Variants in FRMPD4 observed in about 807,000 individuals in gnomAD.
FRMPD4 encodes FERM and PDZ domain containing 4.
FRMPD4 carries 22 observed loss-of-function variants against 94.1 expected under a neutral mutation model. That is an observed-to-expected ratio of 0.23 (90% confidence interval 0.17 to 0.33). FRMPD4 has a LOEUF of 0.33. Ranked by LOEUF, FRMPD4 falls within the 10% of genes least tolerant of loss-of-function variation. FRMPD4 has a pLI of 1.00. For missense variants in FRMPD4, 1,111 were observed against 1,339.9 expected, an observed-to-expected ratio of 0.83 and a Z score of 2.67; for synonymous variants, 631 against 548.6, an observed-to-expected ratio of 1.15 and a Z score of -2.10.
chrX:12,274,026 A>G (rs887197822), intron 1 of FRMPD4, among the ~76,000 whole-genome samples: 8 of 111,650 alleles, frequency 7.2e-5, no homozygotes, highest in Non-Finnish European at 1.1e-4. Context: ...CATTCATTCA[A>G]TACATTTCAT....
intron 2 of FRMPD4, among the ~76,000 whole-genome samples, chrX:12,565,157 TATAA>T (rs891221486): frequency 1.8e-5 from 2 of 111,022 alleles, no homozygotes; most frequent in Non-Finnish European, 1.9e-5. Flanking sequence ...TCCATACTGA[TATAA>T]ATAAATGATT....
intron 1 of FRMPD4, among the ~76,000 whole-genome samples, chrX:12,414,564 A>T (rs184100452): frequency 8.9e-6 from 1 of 111,835 alleles, no homozygotes; most frequent in African/African-American, 3.2e-5. Flanking sequence ...ATATTCTTCT[A>T]TTACGGACAG....
chrX:12,018,448 C>A (rs1240310725), intron 3 of FRMPD4, among the ~76,000 whole-genome samples: 1 of 109,751 alleles, frequency 9.1e-6, no homozygotes, highest in Non-Finnish European at 1.9e-5. Context: ...CAGACTTTTG[C>A]TCTTTGGCCC....
chrX:12,166,001 G>A (rs1483564628), intron 1 of FRMPD4, among the ~76,000 whole-genome samples: 1 of 111,692 alleles, frequency 9.0e-6, no homozygotes. Context: ...TGCAAACAGG[G>A]ACAATTTGAC....
chrX:12,342,507 G>T (rs910337958), intron 1 of FRMPD4, among the ~76,000 whole-genome samples: 2 of 111,863 alleles, frequency 1.8e-5, no homozygotes, highest in African/African-American at 6.5e-5. Flanking sequence ...ATGGGGTCAC[G>T]GGTGGGTGTG....
intron 3 of FRMPD4, among the ~76,000 whole-genome samples, chrX:12,114,668 G>A (rs1396078360): frequency 1.8e-5 from 2 of 111,866 alleles, no homozygotes; most frequent in African/African-American, 6.5e-5. Context: ...TTTATCTATG[G>A]CAATTTAACC....
chrX:12,646,267 G>A (rs756500151), intron 4 of FRMPD4, among the ~76,000 whole-genome samples: 11 of 111,784 alleles, frequency 9.8e-5, no homozygotes, highest in Non-Finnish European at 1.5e-4. Flanking sequence ...CAGACTGTAA[G>A]TCCTATTAAT....
chrX:11,977,049 A>G (rs927075975), intron 3 of FRMPD4, among the ~76,000 whole-genome samples: 1 of 111,710 alleles, frequency 9.0e-6, no homozygotes, highest in Admixed American at 9.5e-5. Context: ...AGTCGGGTAA[A>G]TTATACCGAA....
intron 4 of FRMPD4, among the ~76,000 whole-genome samples, chrX:12,673,129 A>T (rs766724940): frequency 1.1e-4 from 12 of 111,614 alleles, no homozygotes; most frequent in Non-Finnish European, 2.1e-4. Context: ...AGCTGGGCCC[A>T]TTGCTTGCTC....
intron 3 of FRMPD4, among the ~76,000 whole-genome samples, chrX:11,943,975 A>T (rs967693336): frequency 8.9e-6 from 1 of 112,105 alleles, no homozygotes; most frequent in African/African-American, 3.2e-5. Context: ...TAGACTTTGT[A>T]AGACATACAA....
chrX:12,552,607 A>G (rs1166995601), intron 2 of FRMPD4, among the ~76,000 whole-genome samples: 1 of 111,934 alleles, frequency 8.9e-6, no homozygotes, highest in Non-Finnish European at 1.9e-5. Flanking sequence ...CTTTATACTT[A>G]TGTTACCAGC....
intron 1 of FRMPD4, among the ~76,000 whole-genome samples, chrX:12,308,900 C>T (rs187097604): frequency 7.4e-4 from 84 of 112,946 alleles, no homozygotes; most frequent in African/African-American, 2.5e-3. Context: ...GCGTGGCATG[C>T]GCCAAATGTC....
chrX:12,103,253 C>T (rs1030616522), intron 3 of FRMPD4, among the ~76,000 whole-genome samples: 1 of 111,816 alleles, frequency 8.9e-6, no homozygotes, highest in African/African-American at 3.3e-5. Context: ...AGAAAAGTGC[C>T]TGGTGTACCA....
intron 3 of FRMPD4, among the ~76,000 whole-genome samples, chrX:12,045,537 A>G (rs914678587): frequency 9.0e-6 from 1 of 111,024 alleles, no homozygotes; most frequent in Non-Finnish European, 1.9e-5. Context: ...CCCAAAACCC[A>G]TATGAGAGCT....
chrX:11,857,544 C>G (rs1377757502), intron 1 of FRMPD4, among the ~76,000 whole-genome samples: 1 of 112,543 alleles, frequency 8.9e-6, no homozygotes, highest in Non-Finnish European at 1.9e-5. Flanking sequence ...ACACTATGTA[C>G]AAAAATTAAC....
intron 2 of FRMPD4, among the ~76,000 whole-genome samples, chrX:12,508,761 A>G (rs774305384): frequency 2.0e-4 from 22 of 110,782 alleles, no homozygotes; most frequent in South Asian, 3.9e-4. Context: ...TGGGAGGCCA[A>G]GGCGGGCAGA....
intron 2 of FRMPD4, among the ~76,000 whole-genome samples, chrX:11,875,976 C>T (rs1439492187): frequency 3.8e-5 from 4 of 104,682 alleles, no homozygotes; most frequent in Admixed American, 2.1e-4. Flanking sequence ...CCCGGGTTCG[C>T]GCCATTCTCC....
At chrX:12,192,078 A>G (rs768607148) in intron 1 of FRMPD4, among the ~76,000 whole-genome samples, 1 of 112,196 alleles carries the variant, frequency 8.9e-6, no homozygotes, top group African/African-American at 3.2e-5. Context: ...TAAAACAATT[A>G]AATGAGTATG....
intron 3 of FRMPD4, among the ~76,000 whole-genome samples, chrX:12,069,222 C>A (rs140644081): frequency 0.026 from 2,851 of 111,460 alleles, 41 homozygotes; most frequent in Non-Finnish European, 0.039. Context: ...TGGAGATAAG[C>A]CTTGCAAACG....
Sources: allele counts gnomAD v4.1 joint callset (sites outside exome capture counted in the v4.1 genomes callset), GRCh38; gene constraint gnomAD v4.1.1; transcripts MANE v1.5; gene names NCBI Gene and HGNC (gene_info 2026-07-23, HGNC 2026-07-21).